SATL1: variants seen among roughly 807,000 people sequenced by gnomAD.
The protein encoded by SATL1 is spermidine/spermine N(1)-acetyltransferase-like protein 1.
Under a neutral mutation model 51.8 loss-of-function variants are expected in SATL1, and 47 were observed. The observed-to-expected ratio is 0.91, with a 90% CI of 0.72 to 1.16. The LOEUF (loss-of-function observed/expected upper bound fraction) is 1.16, where lower values mean the gene tolerates loss of function less well. Among genes scored for constraint, SATL1 ranks in the 50% most tolerant of loss-of-function variants. SATL1 has a pLI of 0.00. For synonymous variants in SATL1, 176 were observed against 182.4 expected (o/e 0.97, Z 0.28); for missense variants, 520 against 526.4 (o/e 0.99, Z 0.12).
At chrX:85,130,575 T>G (rs1925763249) in intron 2 of SATL1, among the ~76,000 whole-genome samples, 1 of 111,723 alleles carries the variant, frequency 9.0e-6, no homozygotes, top group African/African-American at 3.3e-5. Context: ...CTATCAATTT[T>G]GTTGATGTTT....
rs760502607 is a variant in SATL1, at chrX:85,122,853, G to T, written c.-312-13573C>A. ...AGGCCCCAGTGTCTATTGTTTTCTT[G>T]TTTGTGCTTGTTTGTATTCAATGTT... On this transcript the variant is annotated intron_variant, in intron 2 of 7. Coordinates refer to ENST00000644105, the MANE Select transcript of SATL1 (RefSeq NM_001367857.2). 3.6e-5 allele frequency among the ~76,000 whole-genome samples: 4 copies of T among 111,072 alleles called. No individual in the cohort carries two copies. The East Asian group carries it at 1.1e-3, about 32-fold the overall frequency.
At chrX:85,156,862 TATATATAA>T (rs1483889075) in intron 2 of SATL1, among the ~76,000 whole-genome samples, 3 of 50,617 alleles carry the variant, frequency 5.9e-5, no homozygotes, top group African/African-American at 2.5e-4. Flanking sequence ...TATATATATA[TATATATAA>T]AATATGTAAA....
chrX:85,202,382 C>T (rs1219921852), intron 2 of SATL1, among the ~76,000 whole-genome samples: 2 of 111,686 alleles, frequency 1.8e-5, no homozygotes, highest in East Asian at 2.8e-4. Context: ...TCTGTCTTTA[C>T]GTCTTTGGTA....
At chrX:85,133,498 C>T (rs147627226) in intron 2 of SATL1, among the ~76,000 whole-genome samples, 8 of 112,309 alleles carry the variant, frequency 7.1e-5, no homozygotes, top group Non-Finnish European at 1.5e-4. Context: ...TTTGCTAAGA[C>T]CATTGGAAAA....
At chrX:85,153,253 G>A (rs149162084) in intron 2 of SATL1, among the ~76,000 whole-genome samples, 48 of 111,046 alleles carry the variant, frequency 4.3e-4, no homozygotes, top group African/African-American at 1.5e-3. Context: ...CTACAGACTG[G>A]CCAAGTTAGT....
At position 85,142,028 on chromosome X, in the gene SATL1, T is replaced by G. The variant is rs368895778; in HGVS notation, c.-312-32748A>C. Among the ~76,000 whole-genome samples, 14 of 102,596 alleles carry G rather than the reference T, an allele frequency of 1.4e-4. No individual in the cohort carries two copies. The East Asian group carries it at 3.6e-3, about 27-fold the overall frequency. The allele number at this position is 102,596 out of a possible 115,157, so 89.1% of individuals were successfully genotyped here. A position where few individuals can be genotyped will look rare whatever the true frequency, so the allele number is the denominator to read the frequency against. On this transcript the variant is annotated intron_variant, in intron 2 of 7. Transcript: ENST00000644105. ...AATAATTGCAAAAACTGCAATTACTTTGGCACCAACCTAATAATATTAAGT... is the reference window on the plus strand; with the variant it reads ...AATAATTGCAAAAACTGCAATTACTGTGGCACCAACCTAATAATATTAAGT...
chrX:85,143,491 G>A (rs889041710), intron 2 of SATL1: 15 of 111,245 alleles, frequency 1.3e-4, no homozygotes, highest in Non-Finnish European at 1.9e-4. Flanking sequence ...CTGACTGTAC[G>A]TTGTGAATAA....
chrX:85,139,451 C>G (rs1926054250), intron 2 of SATL1, among the ~76,000 whole-genome samples: 1 of 111,268 alleles, frequency 9.0e-6, no homozygotes, highest in African/African-American at 3.3e-5. Flanking sequence ...GATGGAGAAA[C>G]TGAAATATAC....
intron 2 of SATL1, among the ~76,000 whole-genome samples, chrX:85,148,626 A>G (rs753519709): frequency 2.7e-5 from 3 of 111,679 alleles, no homozygotes; most frequent in East Asian, 5.6e-4. Context: ...CTCGGCAAAA[A>G]CTCTACAAGC....
At chrX:85,203,602 C>T (rs958000276) in intron 2 of SATL1, among the ~76,000 whole-genome samples, 1 of 110,843 alleles carries the variant, frequency 9.0e-6, no homozygotes, top group Non-Finnish European at 1.9e-5. Flanking sequence ...TTCTGCCCAG[C>T]GAGGAGGATC....
At chrX:85,177,695 T>C (rs1034271507) in intron 2 of SATL1, among the ~76,000 whole-genome samples, 21 of 111,965 alleles carry the variant, frequency 1.9e-4, no homozygotes, top group African/African-American at 6.5e-4. Context: ...TCTGTACATA[T>C]TGTACATGAT....
intron 2 of SATL1, among the ~76,000 whole-genome samples, chrX:85,128,898 A>T (rs779326552): frequency 2.7e-5 from 3 of 112,060 alleles, no homozygotes; most frequent in Admixed American, 1.9e-4. Context: ...ATTTATTAAA[A>T]AGGGAATCCT....
chrX:85,157,572 C>A (rs1052292176), intron 2 of SATL1, among the ~76,000 whole-genome samples: 1 of 110,907 alleles, frequency 9.0e-6, no homozygotes. Flanking sequence ...CTTCTGTCAC[C>A]CACCTATTTT....
At chrX:85,160,836 T>C (rs1280424784) in intron 2 of SATL1, among the ~76,000 whole-genome samples, 1 of 110,756 alleles carries the variant, frequency 9.0e-6, no homozygotes, top group East Asian at 2.8e-4. Context: ...AGAACTCCAG[T>C]AAGTTACTTC....
intron 1 of SATL1, among the ~76,000 whole-genome samples, chrX:85,234,588 C>T (rs1928443983): frequency 9.0e-6 from 1 of 111,724 alleles, no homozygotes; most frequent in South Asian, 3.7e-4. Flanking sequence ...CATTAGTTTT[C>T]TTTTTTGCTT....
chrX:85,169,892 C>T (rs1335651559), intron 2 of SATL1, among the ~76,000 whole-genome samples: 1 of 111,564 alleles, frequency 9.0e-6, no homozygotes, highest in Non-Finnish European at 1.9e-5. Context: ...CAATGGTAGA[C>T]TGCATGAAGA....
intron 2 of SATL1, among the ~76,000 whole-genome samples, chrX:85,149,533 A>G (rs932354379): frequency 9.0e-6 from 1 of 111,519 alleles, no homozygotes; most frequent in Non-Finnish European, 1.9e-5. Context: ...AACACACCAC[A>G]CCTATTCCAA....
At chrX:85,103,448 G>T (rs769799774) in intron 4 of SATL1, among the ~76,000 whole-genome samples, 1 of 111,795 alleles carries the variant, frequency 8.9e-6, no homozygotes, top group Non-Finnish European at 1.9e-5. Flanking sequence ...TGCCTAAAAT[G>T]TTCCAATTCA....
chrX:85,121,581 C>T (rs1274021542), intron 2 of SATL1, among the ~76,000 whole-genome samples: 1 of 105,654 alleles, frequency 9.5e-6, no homozygotes, highest in Non-Finnish European at 1.9e-5. Context: ...ATCTTCTTGA[C>T]CTCCTTCTCC....
Sources: allele counts gnomAD v4.1 joint callset (sites outside exome capture counted in the v4.1 genomes callset), GRCh38; gene constraint gnomAD v4.1.1; transcripts MANE v1.5; gene names NCBI Gene and HGNC (gene_info 2026-07-23, HGNC 2026-07-21).